Variants in PRKCE observed in about 807,000 individuals in gnomAD.
PRKCE encodes the protein protein kinase C epsilon, also known as protein kinase C epsilon type.
PRKCE carries 16 observed loss-of-function variants against 85.4 expected under a neutral mutation model. That is an observed-to-expected ratio of 0.19 (90% confidence interval 0.13 to 0.28). The LOEUF (loss-of-function observed/expected upper bound fraction) is 0.28. Among genes scored for constraint, PRKCE ranks in the 10% least tolerant of loss-of-function variants. The probability of loss-of-function intolerance (pLI) is 1.00; values close to 1 mark genes in which losing one functional copy is unlikely to be tolerated. For synonymous variants in PRKCE, 388 were observed against 371.5 expected, an observed-to-expected ratio of 1.04 and a Z score of -0.51; for missense variants, 573 against 975.2, an observed-to-expected ratio of 0.59 and a Z score of 5.49.
intron 1 of PRKCE, among the ~76,000 whole-genome samples, chr2:45,674,379 T>A (rs1676321493): frequency 6.6e-6 from 1 of 152,138 alleles, no homozygotes; most frequent in Non-Finnish European, 1.5e-5. Context: ...TGTCTGGAAT[T>A]TTCAGATATC....
rs887139436 is a variant in PRKCE at position 46,004,651 on chromosome 2, GA to G, written c.1063+14del. On this transcript the variant is annotated intron_variant, in intron 8 of 14. Coordinates refer to ENST00000306156, the MANE Select transcript of PRKCE (RefSeq NM_005400.3). This position sits in a 1 kb window ranked among gnomAD's most constrained non-coding sequence, Gnocchi z 4.1. ...CCTTGTGACCAGGGTGAGACCCTCA[GA>G]TTTGCTTCCTGACCTCTGAGTTCTG... The G allele has an allele frequency of 3.8e-6, 6 of 1,561,308 alleles. No individual in the cohort carries two copies. In the African/African-American group the frequency reaches 8.1e-5, roughly 21 times the overall value.
intron 2 of PRKCE, among the ~76,000 whole-genome samples, chr2:45,872,171 T>TGGGGATGCTGGGATGTTA (rs1383832179): frequency 6.6e-6 from 1 of 151,218 alleles, no homozygotes; most frequent in Non-Finnish European, 1.5e-5. Context: ...CTGTAGGGGG[T>TGGGGATGCTGGGATGTTA]GGGGATGCTG....
intron 1 of PRKCE, among the ~76,000 whole-genome samples, chr2:45,828,120 G>T (rs1016236446): frequency 2.6e-5 from 4 of 152,186 alleles, no homozygotes; most frequent in Non-Finnish European, 5.9e-5. Flanking sequence ...ATGACAGTTT[G>T]TTACATGAAA....
chr2:45,880,799 C>T (rs1026073651), intron 2 of PRKCE, among the ~76,000 whole-genome samples: 14 of 152,110 alleles, frequency 9.2e-5, no homozygotes, highest in Non-Finnish European at 1.8e-4. Context: ...TTGTCACTTT[C>T]GTTATCATAG....
rs113218572 is a variant in PRKCE at position 45,949,813 on chromosome 2, G to C, written c.413-26616G>C. Among the ~76,000 whole-genome samples the C allele has an allele frequency of 5.8e-3, 877 of 150,516 alleles. 6 individuals carry two copies. Among genetic ancestry groups the C allele is most frequent in the African/African-American group, 0.02 (829 of 41,110 alleles). ...CTGTTCTATCCCTTTGGTCTGTCCCGCTGATACACCATGTTTTAATTGCTT... is the reference window on the plus strand; with the variant it reads ...CTGTTCTATCCCTTTGGTCTGTCCCCCTGATACACCATGTTTTAATTGCTT... On this transcript the variant is annotated intron_variant, in intron 2 of 14. Transcript: ENST00000306156.
chr2:45,758,646 A>C (rs577430402), intron 1 of PRKCE, among the ~76,000 whole-genome samples: 4 of 152,186 alleles, frequency 2.6e-5, no homozygotes, highest in Non-Finnish European at 4.4e-5. Context: ...ACTGCCTAAC[A>C]TAGGTATGTA....
At chr2:46,074,277 A>G (rs1019678201) in intron 10 of PRKCE, among the ~76,000 whole-genome samples, 27 of 152,130 alleles carry the variant, frequency 1.8e-4, no homozygotes, top group African/African-American at 5.3e-4. Context: ...TTTTATATAC[A>G]TGAGATTGAA....
chr2:46,130,949 C>G (rs1022166403), intron 11 of PRKCE, among the ~76,000 whole-genome samples: 2 of 152,214 alleles, frequency 1.3e-5, no homozygotes, highest in Non-Finnish European at 2.9e-5. Context: ...TGCTTAAAAA[C>G]TGGGGGTCAC....
At chr2:45,718,656 T>C (rs1680360504) in intron 1 of PRKCE, among the ~76,000 whole-genome samples, 1 of 152,156 alleles carries the variant, frequency 6.6e-6, no homozygotes, top group Admixed American at 6.5e-5. Context: ...ACAATTGTTA[T>C]ATAAAGTTGA....
intron 2 of PRKCE, among the ~76,000 whole-genome samples, chr2:45,921,482 C>T (rs1698244496): frequency 6.6e-6 from 1 of 152,204 alleles, no homozygotes; most frequent in African/African-American, 2.4e-5. Context: ...CTTATTTGTT[C>T]CTCACAATGA....
intron 6 of PRKCE, among the ~76,000 whole-genome samples, chr2:45,999,208 T>A (rs561560760): frequency 3.3e-5 from 5 of 152,326 alleles, no homozygotes; most frequent in African/African-American, 1.2e-4. Flanking sequence ...TCCAAGTTTC[T>A]GAGCTGTATC....
At position 46,111,546 on chromosome 2, in the gene PRKCE, T is replaced by A. The variant is rs1030345511; in HGVS notation, c.1592+25184T>A. Among the ~76,000 whole-genome samples, 180 of 152,292 alleles carry A rather than the reference T, an allele frequency of 1.2e-3. 1 individual carries two copies. The highest frequency in any genetic ancestry group is 4.3e-3 in the African/African-American group (179 of 41,568). On this transcript the variant is annotated intron_variant, in intron 11 of 14. Coordinates refer to ENST00000306156, the MANE Select transcript of PRKCE (RefSeq NM_005400.3). ...AGGCATTCACTTACCTAGTTTCCTT[T>A]TAGATTTGCCTGTTCTGGACATTTT...
At chr2:45,878,979 A>G (rs771161162) in intron 2 of PRKCE, among the ~76,000 whole-genome samples, 32 of 152,238 alleles carry the variant, frequency 2.1e-4, no homozygotes, top group Non-Finnish European at 4.4e-4. Flanking sequence ...ACGCAGAGAA[A>G]TTCTAGACGG....
At position 45,652,623 on chromosome 2, in the gene PRKCE, AT is replaced by A. The variant is rs1675176731; in HGVS notation, c.348+177del. Among the ~76,000 whole-genome samples, 1 of 152,192 alleles carries A rather than the reference AT, an allele frequency of 6.6e-6. No homozygotes were observed. Among genetic ancestry groups the A allele is most frequent in the Admixed American group, 6.5e-5 (1 of 15,288 alleles). On this transcript the variant is annotated intron_variant, in intron 1 of 14. Coordinates refer to ENST00000306156, the MANE Select transcript of PRKCE (RefSeq NM_005400.3). The surrounding 1 kb of genome is among the most constrained non-coding windows in gnomAD (Gnocchi z 7.7). The stretch of plus-strand genomic sequence containing the variant: ...ACTTCATAGTTGGGGAGAAACAGGC[AT>A]TGGCGAGGAAGATGAGACTTGGAAA...
At chr2:45,653,702 G>A (rs1360860905) in intron 1 of PRKCE, among the ~76,000 whole-genome samples, 2 of 152,260 alleles carry the variant, frequency 1.3e-5, no homozygotes, top group East Asian at 3.9e-4. Flanking sequence ...GAGAGAGCCT[G>A]TTGTTTTTGT....
chr2:46,134,184 C>T (rs1478004293), intron 11 of PRKCE, among the ~76,000 whole-genome samples: 1 of 152,202 alleles, frequency 6.6e-6, no homozygotes, highest in Middle Eastern at 3.2e-3. Context: ...CACTTTTCTG[C>T]TCTTATTCCT....
intron 1 of PRKCE, among the ~76,000 whole-genome samples, chr2:45,685,923 A>T (rs563924529): frequency 6.6e-6 from 1 of 152,348 alleles, no homozygotes; most frequent in African/African-American, 2.4e-5. Flanking sequence ...CTGACTATTC[A>T]GTAGTCACAA....
Position 45,895,254 on chromosome 2 carries a change from G to C in PRKCE, c.412+52191G>C, listed in dbSNP as rs1425357514. On this transcript the variant is annotated intron_variant, in intron 2 of 14. Transcript: ENST00000306156. The surrounding 1 kb of genome is among the most constrained non-coding windows in gnomAD (Gnocchi z 4.8). ...TATTTTCTCACTTCTGGCCACTGTCGGTTGTAGAGGTGCCCCTTCAGTACA... is the reference window on the plus strand; with the variant it reads ...TATTTTCTCACTTCTGGCCACTGTCCGTTGTAGAGGTGCCCCTTCAGTACA... Among the ~76,000 whole-genome samples the C allele has an allele frequency of 2.6e-5, 4 of 152,160 alleles. No individual in the cohort carries two copies. Among genetic ancestry groups the C allele is most frequent in the African/African-American group, 9.7e-5 (4 of 41,430 alleles).
At chr2:46,095,948 A>C (rs530977868) in intron 11 of PRKCE, among the ~76,000 whole-genome samples, 1 of 152,322 alleles carries the variant, frequency 6.6e-6, no homozygotes, top group South Asian at 2.1e-4. Flanking sequence ...CATCACACCA[A>C]CCTTATACAG....
Sources: gnomAD v4.1 joint callset for allele counts (sites outside exome capture counted in the v4.1 genomes callset) on GRCh38, gnomAD v4.1.1 for gene constraint, Gnocchi (gnomAD v3.1) non-coding constraint, MANE v1.5 for transcripts, NCBI Gene and HGNC (gene_info 2026-07-23, HGNC 2026-07-21) for gene names.